The following TRIP12 variants were observed in gnomAD, a reference collection of about 807,000 sequenced individuals.
TRIP12 encodes the protein E3 ubiquitin-protein ligase TRIP12.
In TRIP12, 25 loss-of-function variants were observed where a neutral mutation model predicts 244.2. The observed-to-expected ratio is 0.10, with a 90% CI of 0.07 to 0.14. The LOEUF (loss-of-function observed/expected upper bound fraction) is 0.14, where lower values mean the gene tolerates loss of function less well. TRIP12 is among the 10% of genes least tolerant of loss of function. TRIP12 has a pLI of 1.00. For missense variants in TRIP12, 1,677 were observed against 2,486.4 expected, an observed-to-expected ratio of 0.67 and a Z score of 6.92; for synonymous variants, 905 against 873.1, an observed-to-expected ratio of 1.04 and a Z score of -0.64.
At chr2:229,803,018 G>C (rs1293296348) in intron 20 of TRIP12, among the ~76,000 whole-genome samples, 1 of 152,194 alleles carries the variant, frequency 6.6e-6, no homozygotes, top group Non-Finnish European at 1.5e-5. Context: ...TATGTATGAA[G>C]GAGTGTGACT....
intron 2 of TRIP12, among the ~76,000 whole-genome samples, chr2:229,864,043 A>AGTGTGTGTGT: frequency 1.4e-5 from 1 of 72,054 alleles, no homozygotes; most frequent in Non-Finnish European, 3.0e-5. Flanking sequence ...AGAGAGAGAG[A>AGTGTGTGTGT]GAGAGTGTGT....
intron 1 of TRIP12, among the ~76,000 whole-genome samples, chr2:229,891,671 T>C (rs912820721): frequency 3.3e-5 from 5 of 152,204 alleles, no homozygotes; most frequent in Non-Finnish European, 7.4e-5. Flanking sequence ...ATTTTTCTAG[T>C]ATCAGCTAGG....
At chr2:229,901,570 C>A (rs1210296854) in intron 1 of TRIP12, among the ~76,000 whole-genome samples, 1 of 149,660 alleles carries the variant, frequency 6.7e-6, no homozygotes, top group Non-Finnish European at 1.5e-5. Context: ...TTGCAGTGAG[C>A]CGAGATTGCA....
chr2:229,804,931 A>T (rs2045460953), intron 18 of TRIP12, among the ~76,000 whole-genome samples: 1 of 152,146 alleles, frequency 6.6e-6, no homozygotes, highest in South Asian at 2.1e-4. Context: ...ATTCAGACAG[A>T]GTCTCACTCT....
chr2:229,848,844 A>G lies in TRIP12; in HGVS notation c.1028-7917T>C, dbSNP rs572698748. Among the ~76,000 whole-genome samples the G allele has an allele frequency of 8.5e-5, 13 of 152,348 alleles. No homozygotes were observed. The East Asian group carries it at 2.3e-3, about 27-fold the overall frequency. Reference sequence around the variant, plus strand: ...AAATTCTGAAGGAAAGTAATTCCCAACCCAGAACTCTATATTCACCAATCT... The same window carrying G: ...AAATTCTGAAGGAAAGTAATTCCCAGCCCAGAACTCTATATTCACCAATCT... On this transcript the variant is annotated intron_variant, in intron 4 of 41. Coordinates refer to ENST00000675903, the MANE Select transcript of TRIP12 (RefSeq NM_001348323.3).
intron 5 of TRIP12, among the ~76,000 whole-genome samples, chr2:229,839,796 G>A (rs527326153): frequency 1.6e-3 from 241 of 152,274 alleles, no homozygotes; most frequent in Non-Finnish European, 3.0e-3. Context: ...CTGAAAAGCC[G>A]AGAGGAAGTT....
In TRIP12 at chr2:229,774,268, AAC is replaced by A; in HGVS notation, c.5530-9_5530-8del. 1 of 1,598,998 alleles carries A rather than the reference AAC, an allele frequency of 6.3e-7. No individual in the cohort carries two copies. On this transcript the variant is annotated splice_polypyrimidine_tract_variant and splice_region_variant and intron_variant, in intron 37 of 41. Coordinates refer to ENST00000675903, the MANE Select transcript of TRIP12 (RefSeq NM_001348323.3). ...ACTGTAGACTCTCTTTGGTCTAAAA[AAC>A]ACAAATGGGGGAGAAATGGTGTCAA...
intron 1 of TRIP12, among the ~76,000 whole-genome samples, chr2:229,910,412 C>A (rs2074032993): frequency 6.6e-6 from 1 of 152,048 alleles, no homozygotes; most frequent in South Asian, 2.1e-4. Flanking sequence ...AGGTAGTAGA[C>A]CCATTTTATA....
Position 229,767,524 on chromosome 2 carries a change from A to G in TRIP12, c.*30T>C. 6.4e-7 allele frequency: 1 copy of G among 1,561,612 alleles called. No homozygotes were observed. The highest frequency in any genetic ancestry group is 8.7e-7 in the Non-Finnish European group (1 of 1,153,714). On this transcript the variant is annotated 3_prime_UTR_variant, in exon 42 of 42. Transcript: ENST00000675903. ...AATCATGATTTGTTTCTTTTGCTGT[A>G]ACAGGCAGACACTGCATTTCTTGCT...
chr2:229,833,649 A>C (rs1575671585), intron 6 of TRIP12, among the ~76,000 whole-genome samples: 3 of 152,314 alleles, frequency 2.0e-5, no homozygotes, highest in South Asian at 4.1e-4. Flanking sequence ...TGTGAAGAAA[A>C]GGATTCTTTT....
chr2:229,862,597 C>T (rs2060650029), intron 2 of TRIP12, among the ~76,000 whole-genome samples: 3 of 152,168 alleles, frequency 2.0e-5, no homozygotes, highest in South Asian at 4.1e-4. Flanking sequence ...AAGAAAACTA[C>T]ATACATTCAA....
intron 7 of TRIP12, among the ~76,000 whole-genome samples, chr2:229,830,306 A>G (rs1277033381): frequency 6.6e-6 from 1 of 152,194 alleles, no homozygotes. Context: ...GCATGAGTGA[A>G]AAGTCCGACC....
intron 39 of TRIP12, among the ~76,000 whole-genome samples, chr2:229,771,153 G>C (rs2034162801): frequency 6.6e-6 from 1 of 152,240 alleles, no homozygotes; most frequent in Non-Finnish European, 1.5e-5. Flanking sequence ...ACGAAGTTTA[G>C]TTAAGGAATA....
intron 8 of TRIP12, among the ~76,000 whole-genome samples, chr2:229,824,262 A>G (rs1575545520): frequency 6.6e-6 from 1 of 152,220 alleles, no homozygotes; most frequent in Non-Finnish European, 1.5e-5. Flanking sequence ...ATATAACTAA[A>G]AAAAGTTAAT....
rs76520654 is a variant in TRIP12, at chr2:229,894,633, A to C, written c.-49-14505T>G. ...AGAGAAGAGAAGGAAGGGGAAAAGA[A>C]AATCTATACCTGAGAATTTATACAT... On this transcript the variant is annotated intron_variant, in intron 1 of 41. Transcript: ENST00000675903. Among the ~76,000 whole-genome samples, 917 of 152,346 alleles carry C rather than the reference A, an allele frequency of 6.0e-3. 7 individuals are homozygous for C. Among genetic ancestry groups the C allele is most frequent in the African/African-American group, 0.021 (862 of 41,566 alleles).
chr2:229,772,953 A>G (rs2034972773), intron 38 of TRIP12, among the ~76,000 whole-genome samples: 1 of 152,184 alleles, frequency 6.6e-6, no homozygotes, highest in Admixed American at 6.5e-5. Flanking sequence ...AAACCAAAAC[A>G]AATTTTTCAA....
intron 8 of TRIP12, among the ~76,000 whole-genome samples, chr2:229,823,770 T>G (rs76716741): frequency 6.6e-6 from 1 of 152,056 alleles, no homozygotes; most frequent in African/African-American, 2.4e-5. Context: ...GAGGATCACT[T>G]GAGGCCAAGG....
chr2:229,921,089 ACTCTATTCCTCTCAGTCAAGTTT>A (rs2076451274), intron 1 of TRIP12, among the ~76,000 whole-genome samples: 1 of 149,884 alleles, frequency 6.7e-6, no homozygotes, highest in African/African-American at 2.5e-5. Flanking sequence ...TTAAAAGGAT[ACTCTATTCCTCTCAGTCAAGTTT>A]CTCGGCTTCT....
chr2:229,912,615 CTAAG>C (rs927557321), intron 1 of TRIP12, among the ~76,000 whole-genome samples: 8 of 152,130 alleles, frequency 5.3e-5, no homozygotes, highest in Non-Finnish European at 1.2e-4. Flanking sequence ...CATAGTCTTC[CTAAG>C]TAACTTCAAC....
Sources: allele counts gnomAD v4.1 joint callset (sites outside exome capture counted in the v4.1 genomes callset), GRCh38; gene constraint gnomAD v4.1.1; transcripts MANE v1.5; gene names NCBI Gene and HGNC (gene_info 2026-07-23, HGNC 2026-07-21).